The following NBAS variants were observed in gnomAD, a reference collection of about 807,000 sequenced individuals.
NBAS encodes the protein NAG/BC035112 fusion.
Under a neutral mutation model 302.5 loss-of-function variants are expected in NBAS, and 219 were observed. The observed-to-expected ratio is 0.72, with a 90% CI of 0.65 to 0.81. The LOEUF (loss-of-function observed/expected upper bound fraction) is 0.81, where lower values mean the gene tolerates loss of function less well. NBAS is among the 30% of genes least tolerant of loss of function. The pLI is 0.00. For missense variants in NBAS, 2,932 were observed against 2,841.6 expected (o/e 1.03, Z -0.72); for synonymous variants, 1,118 against 1,021.6 (o/e 1.09, Z -1.80).
At chr2:15,016,038 A>G in the NBAS span, among the ~76,000 whole-genome samples, 1 of 149,702 alleles carries the variant, frequency 6.7e-6, no homozygotes, top group African/African-American at 2.4e-5. Context: ...AATAGCTACC[A>G]AAAAAAAAAT....
chr2:15,539,302 G>T lies in NBAS; in HGVS notation c.434C>A (p.Thr145Asn). The T allele has an allele frequency of 6.2e-7, 1 of 1,614,200 alleles. No homozygotes were observed. Among genetic ancestry groups the T allele is most frequent in the Non-Finnish European group, 8.5e-7 (1 of 1,180,042 alleles). ...TGTGCTTTCGGCATAGGCCAGTAGGGTACAATCGTAACTCCATGCTACCCG... is the reference window on the plus strand; with the variant it reads ...TGTGCTTTCGGCATAGGCCAGTAGGTTACAATCGTAACTCCATGCTACCCG... Reference protein sequence around the residue: ...WRRVAWSYDCTLLAYAESTGT... With the variant: ...WRRVAWSYDCNLLAYAESTGT... The change falls in exon 7 of 52, where the codon ACC (threonine) becomes AAC (asparagine). Residue 145 changes from threonine (T) to asparagine (N), a missense_variant. Physicochemically the swap from Thr to Asn is moderately conservative, Grantham distance 65. Transcript: ENST00000281513.
In NBAS at chr2:15,536,946, A is replaced by T. The variant is rs1248742751; in HGVS notation, c.514-395T>A. Among the ~76,000 whole-genome samples, 6 of 152,372 alleles carry T rather than the reference A, an allele frequency of 3.9e-5. No individual in the cohort carries two copies. The East Asian group carries it at 1.2e-3, about 29-fold the overall frequency. Reference sequence around the variant, plus strand: ...CCACTGCCAGCAGTAGCCTGCGGTAAAAAAGTCTCCAGTTTCCATTTGCCT... The same window carrying T: ...CCACTGCCAGCAGTAGCCTGCGGTATAAAAGTCTCCAGTTTCCATTTGCCT... On this transcript the variant is annotated intron_variant, in intron 7 of 51. Coordinates refer to ENST00000281513, the MANE Select transcript of NBAS (RefSeq NM_015909.4).
intron 44 of NBAS, among the ~76,000 whole-genome samples, chr2:15,248,253 A>C (rs1668195423): frequency 1.3e-5 from 2 of 152,238 alleles, no homozygotes; most frequent in Non-Finnish European, 1.5e-5. Context: ...CTTTGAAACC[A>C]ATGAGAACAA....
intron 41 of NBAS, among the ~76,000 whole-genome samples, chr2:15,291,313 A>G (rs1670294856): frequency 6.6e-6 from 1 of 152,200 alleles, no homozygotes; most frequent in Non-Finnish European, 1.5e-5. Flanking sequence ...ACTATAAACT[A>G]GGGATAACAA....
chr2:15,439,166 A>G (rs926838301), intron 21 of NBAS, among the ~76,000 whole-genome samples: 3 of 151,920 alleles, frequency 2.0e-5, no homozygotes, highest in African/African-American at 4.8e-5. Context: ...AGCCGGGTGC[A>G]GTGGCAGGCA....
chr2:15,500,753 T>C (rs1489932282), intron 11 of NBAS, among the ~76,000 whole-genome samples: 1 of 149,048 alleles, frequency 6.7e-6, no homozygotes, highest in Non-Finnish European at 1.5e-5. Flanking sequence ...AAACCCTGTC[T>C]CTACTAAAAA....
chr2:15,070,728 C>G, the NBAS span, among the ~76,000 whole-genome samples: 1 of 152,208 alleles, frequency 6.6e-6, no homozygotes, highest in South Asian at 2.1e-4. Flanking sequence ...CCCCACACAA[C>G]CATCACAGAA....
At chr2:15,144,372 C>A in the NBAS span, among the ~76,000 whole-genome samples, 3,341 of 152,226 alleles carry the variant, frequency 0.022, 47 homozygotes, top group Non-Finnish European at 0.032. Flanking sequence ...TCCCCATCAA[C>A]CTCCCAGCCT....
the NBAS span, among the ~76,000 whole-genome samples, chr2:14,873,578 T>A: frequency 2.0e-5 from 3 of 151,900 alleles, no homozygotes; most frequent in African/African-American, 7.3e-5. Flanking sequence ...TAAAACAGAT[T>A]TTAATACATT....
the NBAS span, among the ~76,000 whole-genome samples, chr2:14,945,906 C>A: frequency 0.093 from 14,160 of 152,144 alleles, 696 homozygotes; most frequent in East Asian, 0.15. Context: ...CACAGTGAAA[C>A]CCTGTCTCTA....
the NBAS span, among the ~76,000 whole-genome samples, chr2:15,059,403 C>A: frequency 6.6e-6 from 1 of 151,796 alleles, no homozygotes; most frequent in African/African-American, 2.4e-5. Context: ...GGTTTCTTAA[C>A]CTTTGCATTG....
the NBAS span, among the ~76,000 whole-genome samples, chr2:14,911,985 C>G: frequency 6.6e-6 from 1 of 152,198 alleles, no homozygotes; most frequent in Non-Finnish European, 1.5e-5. Flanking sequence ...GAATATTATA[C>G]AGTGCACTTC....
chr2:15,259,447 T>G (rs925039241), intron 44 of NBAS, among the ~76,000 whole-genome samples: 1 of 152,204 alleles, frequency 6.6e-6, no homozygotes, highest in African/African-American at 2.4e-5. Context: ...AATGCATTGT[T>G]TGTTCTAGCC....
In NBAS at chr2:15,337,758, G is replaced by A. The variant is rs79536477; in HGVS notation, c.4180-6993C>T. Among the ~76,000 whole-genome samples the A allele has an allele frequency of 8.5e-3, 1,287 of 152,230 alleles. 18 individuals are homozygous for A. Among genetic ancestry groups the A allele is most frequent in the East Asian group, 0.059 (305 of 5,182 alleles). On this transcript the variant is annotated intron_variant, in intron 35 of 51. Transcript: ENST00000281513. ...ACAGAAGCAACATTTAATTTGGGGG[G>A]CAGTCTACCAAGATCATAGTTTAAC...
rs968639366 is a variant in NBAS at position 15,529,036 on chromosome 2, A to G, written c.746+5507T>C. Among the ~76,000 whole-genome samples the G allele has an allele frequency of 5.0e-4, 76 of 151,944 alleles. 1 individual carries two copies. Among genetic ancestry groups the G allele is most frequent in the African/African-American group, 1.7e-3 (72 of 41,448 alleles). The stretch of plus-strand genomic sequence containing the variant: ...TTCCACAAAGCTAGCCGCAATAAAT[A>G]AGAGAGTCATGGAAAGCAGGCCAGA... On this transcript the variant is annotated intron_variant, in intron 9 of 51. Coordinates refer to ENST00000281513, the MANE Select transcript of NBAS (RefSeq NM_015909.4).
At chr2:15,173,486 T>C (rs1406928365) in intron 51 of NBAS, among the ~76,000 whole-genome samples, 1 of 152,158 alleles carries the variant, frequency 6.6e-6, no homozygotes, top group Non-Finnish European at 1.5e-5. Context: ...CTATTACTAA[T>C]AAAAGTTATT....
chr2:14,828,057 C>T, the NBAS span, among the ~76,000 whole-genome samples: 2 of 152,242 alleles, frequency 1.3e-5, no homozygotes, highest in African/African-American at 4.8e-5. Context: ...GTTATTCATT[C>T]ATTTACTCAT....
chr2:14,786,737 T>G, the NBAS span, among the ~76,000 whole-genome samples: 2 of 152,186 alleles, frequency 1.3e-5, no homozygotes, highest in African/African-American at 2.4e-5. Flanking sequence ...GAGCTTTACT[T>G]CCAACTATGT....
chr2:15,155,167 T>C, the NBAS span, among the ~76,000 whole-genome samples: 3 of 152,222 alleles, frequency 2.0e-5, no homozygotes, highest in Non-Finnish European at 4.4e-5. Context: ...TGGGCAAGTC[T>C]TTGGTATCTC....
Sources: gnomAD v4.1 joint callset for allele counts (sites outside exome capture counted in the v4.1 genomes callset) on GRCh38, gnomAD v4.1.1 for gene constraint, MANE v1.5 for transcripts, NCBI Gene and HGNC (gene_info 2026-07-23, HGNC 2026-07-21) for gene names.